The following ATG2B variants were observed in gnomAD, a reference collection of about 807,000 sequenced individuals.
ATG2B encodes autophagy related 2B, also known as autophagy-related protein 2 homolog B.
ATG2B carries 121 observed loss-of-function variants against 241.3 expected under a neutral mutation model. The ratio of observed to expected loss-of-function variants is 0.50; its 90% CI spans 0.43 to 0.58. The LOEUF is 0.58. Among genes scored for constraint, ATG2B ranks in the 20% least tolerant of loss-of-function variants. The pLI, the probability that ATG2B is intolerant of heterozygous loss-of-function variation, is 0.00. For missense variants in ATG2B, 2,306 were observed against 2,491.6 expected (o/e 0.93, Z 1.59); for synonymous variants, 858 against 876.6 (o/e 0.98, Z 0.37).
intron 14 of ATG2B, 124 bp from the exon 15 acceptor site, chr14:96,326,046 A>T: frequency 1.1e-6 from 1 of 903,754 alleles, no homozygotes; most frequent in Non-Finnish European, 1.6e-6. Flanking sequence ...ATTAAAAGTC[A>T]ATTCAAATTA....
rs535818922 is a variant in ATG2B, at chr14:96,346,994, A to G, written c.325+185T>C. ...CTGTATACTAAAGTTTCTGTGAAAAATCGGGGAAAGAAACAACTCTAAATT... is the reference window on the plus strand; with the variant it reads ...CTGTATACTAAAGTTTCTGTGAAAAGTCGGGGAAAGAAACAACTCTAAATT... On this transcript the variant is annotated intron_variant, in intron 2 of 41. Coordinates refer to ENST00000359933, the MANE Select transcript of ATG2B (RefSeq NM_018036.7). Among the ~76,000 whole-genome samples the G allele has an allele frequency of 5.9e-5, 9 of 152,370 alleles. No individual in the cohort carries two copies. In the South Asian group the frequency reaches 1.4e-3, roughly 25 times the overall value.
chr14:96,328,821 G>A, intron 12 of ATG2B, 55 bp from the exon 13 acceptor site: 2 of 1,347,294 alleles, frequency 1.5e-6, no homozygotes, highest in Non-Finnish European at 2.1e-6. Context: ...AATTTACAGA[G>A]GTGCCCATAC....
At position 96,362,914 on chromosome 14, in the gene ATG2B, G is replaced by A; in HGVS notation, c.63C>T (p.Tyr21=). The change falls in exon 1 of 42, where the codon TAC becomes TAT. Residue 21 remains tyrosine (Y), a synonymous_variant. Coordinates refer to ENST00000359933, the MANE Select transcript of ATG2B (RefSeq NM_018036.7). The stretch of plus-strand genomic sequence containing the variant: ...GCTTCTCCTGCAGAAAGTGGCCCAG[G>A]TACCTCTGCAGGAGGTACCGGCAGG... ...KRACRYLLQR[Y]LGHFLQEKLS... is the part of the protein sequence containing the mutation. The A allele has an allele frequency of 1.2e-6, 2 of 1,613,690 alleles. No individual in the cohort carries two copies. The highest frequency in any genetic ancestry group is 2.2e-5 in the East Asian group (1 of 44,864).
rs1459153377 is a variant in ATG2B at position 96,279,961 on chromosome 14, G to C, written c.*5794C>G. 1 of 152,388 alleles carries C rather than the reference G, an allele frequency of 6.6e-6. No individual in the cohort carries two copies. The highest frequency in any genetic ancestry group is 1.5e-5 in the Non-Finnish European group (1 of 68,208). The allele number at this position is 152,388 out of a possible 1,614,324, so 9.4% of individuals were successfully genotyped here. On this transcript the variant is annotated 3_prime_UTR_variant, in exon 42 of 42. Coordinates refer to ENST00000359933, the MANE Select transcript of ATG2B (RefSeq NM_018036.7). Reference sequence around the variant, plus strand: ...CCCAAATGTCAACTGCTGAGGTGGAGAAACCCGACTTTAGCCCCATTCTGA... The same window carrying C: ...CCCAAATGTCAACTGCTGAGGTGGACAAACCCGACTTTAGCCCCATTCTGA...
At chr14:96,302,158 T>G in intron 33 of ATG2B, 50 bp from the exon 34 acceptor site, 1 of 1,133,574 alleles carries the variant, frequency 8.8e-7, no homozygotes, top group Non-Finnish European at 1.3e-6. Context: ...TATGATGACC[T>G]TCTTCTCTTT....
chr14:96,332,782 T>C, intron 8 of ATG2B, 127 bp from the exon 9 acceptor site: 1 of 596,888 alleles, frequency 1.7e-6, no homozygotes, highest in Non-Finnish European at 2.5e-6. Flanking sequence ...GCCCCAAATT[T>C]TATGTTACTT....
intron 4 of ATG2B, among the ~76,000 whole-genome samples, chr14:96,343,831 AT>A (rs1888105849): frequency 6.6e-6 from 1 of 152,222 alleles, no homozygotes; most frequent in Non-Finnish European, 1.5e-5. Context: ...TAAATCTACT[AT>A]TTAAGGCAAT....
In ATG2B at chr14:96,323,882, AT is replaced by A; in HGVS notation, c.2540+13del. The A allele has an allele frequency of 6.6e-7, 1 of 1,525,328 alleles. No homozygotes were observed. Among genetic ancestry groups the A allele is most frequent in the Non-Finnish European group, 9.0e-7 (1 of 1,106,680 alleles). The allele number at this position is 1,525,328 out of a possible 1,614,324, so 94.5% of individuals were successfully genotyped here. ...AAGGAAAATCCTATTAAACCTATGC[AT>A]TTGCTTACTCACCGTGGCCAGTCAA... On this transcript the variant is annotated intron_variant, in intron 16 of 41. Coordinates refer to ENST00000359933, the MANE Select transcript of ATG2B (RefSeq NM_018036.7).
chr14:96,362,940 C>A lies in ATG2B; in HGVS notation c.37G>T (p.Ala13Ser). The change falls in exon 1 of 42, where the codon GCC (alanine) becomes TCC (serine). Residue 13 changes from alanine (A) to serine (S), a missense_variant. Ala to Ser is a moderately conservative substitution (Grantham distance 99). This residue lies in a region of ATG2B where 1,927 missense variants were observed against 2,011.2 expected (regional missense o/e 0.96). Coordinates refer to ENST00000359933, the MANE Select transcript of ATG2B (RefSeq NM_018036.7). ...TACCTCTGCAGGAGGTACCGGCAGG[C>A]CCTCTTCTTGATGGACTCCGAAAAC... is the stretch of plus-strand genomic sequence containing the variant. ...WPFSESIKKRACRYLLQRYLG... is the reference protein window; with the variant it reads ...WPFSESIKKRSCRYLLQRYLG... 6.2e-7 allele frequency: 1 copy of A among 1,613,446 alleles called. No homozygotes were observed. The highest frequency in any genetic ancestry group is 8.5e-7 in the Non-Finnish European group (1 of 1,179,934).
In ATG2B at chr14:96,331,445, C is replaced by T. The variant is rs900588550; in HGVS notation, c.1661G>A (p.Arg554Lys). The stretch of plus-strand genomic sequence containing the variant: ...AGACTTAAAATCTTCTGTTGAAAAT[C>T]TTGCTGGATCAATCTTTTCTATACA... ...FTCIEKIDPA[R>K]FSTEDFKSFR... The change falls in exon 11 of 42, where the codon AGA becomes AAA. Residue 554 changes from arginine (R) to lysine (K), a missense_variant. Coordinates refer to ENST00000359933, the MANE Select transcript of ATG2B (RefSeq NM_018036.7). 2 of 1,614,074 alleles carry T rather than the reference C, an allele frequency of 1.2e-6. No individual in the cohort carries two copies. Among genetic ancestry groups the T allele is most frequent in the Non-Finnish European group, 1.7e-6 (2 of 1,179,972 alleles).
At chr14:96,295,420 C>T in intron 35 of ATG2B, 62 bp downstream of exon 35, 1 of 1,171,762 alleles carries the variant, frequency 8.5e-7, no homozygotes, top group Middle Eastern at 2.5e-4. Flanking sequence ...AAAAAAGCCT[C>T]ATAACAATTA....
At chr14:96,299,060 A>G (rs1886720891) in intron 34 of ATG2B, among the ~76,000 whole-genome samples, 2 of 152,224 alleles carry the variant, frequency 1.3e-5, no homozygotes, top group South Asian at 4.1e-4. Context: ...TACTCAAGCA[A>G]TGAAGCAATA....
At chr14:96,319,361 T>A (rs1887399594) in intron 18 of ATG2B, among the ~76,000 whole-genome samples, 1 of 152,218 alleles carries the variant, frequency 6.6e-6, no homozygotes, top group Non-Finnish European at 1.5e-5. Context: ...ACCATGACTC[T>A]GTGTCTATGA....
rs149862692 is a variant in ATG2B, at chr14:96,289,977, C to T, written c.5857-172G>A. 3.0e-3 allele frequency: 1,395 copies of T among 469,416 alleles called. 4 individuals carry two copies. The highest frequency in any genetic ancestry group is 0.022 in the Middle Eastern group (21 of 956). The allele number at this position is 469,416 out of a possible 1,614,324, so 29.1% of individuals were successfully genotyped here. Reference sequence around the variant, plus strand: ...CCACAAGAATTGATGACTTTTATAACGAGAACATAAAAGTATAAATTAATA... The same window carrying T: ...CCACAAGAATTGATGACTTTTATAATGAGAACATAAAAGTATAAATTAATA... On this transcript the variant is annotated intron_variant, in intron 40 of 41. Coordinates refer to ENST00000359933, the MANE Select transcript of ATG2B (RefSeq NM_018036.7). The surrounding 1 kb of genome is among the most constrained non-coding windows in gnomAD (Gnocchi z 4.3).
chr14:96,339,833 A>G (rs1486972089), intron 6 of ATG2B, among the ~76,000 whole-genome samples: 1 of 151,884 alleles, frequency 6.6e-6, no homozygotes, highest in Non-Finnish European at 1.5e-5. Flanking sequence ...TAAAGAACTC[A>G]TCTACGTAAC....
chr14:96,287,616 C>G (rs1232679105), intron 41 of ATG2B, among the ~76,000 whole-genome samples: 1 of 152,174 alleles, frequency 6.6e-6, no homozygotes, highest in Non-Finnish European at 1.5e-5. Context: ...AATAATTCAT[C>G]TCAAGAGCTT....
chr14:96,343,544 CA>C (rs1234373712), intron 4 of ATG2B, among the ~76,000 whole-genome samples: 3 of 152,064 alleles, frequency 2.0e-5, no homozygotes, highest in Non-Finnish European at 4.4e-5. Flanking sequence ...TCAGTCTCAC[CA>C]TGCTTTACTA....
chr14:96,302,167 T>C, intron 33 of ATG2B, 59 bp from the exon 34 acceptor site: 1 of 1,073,840 alleles, frequency 9.3e-7, no homozygotes, highest in Non-Finnish European at 1.4e-6. Context: ...CTTCTTCTCT[T>C]TAAAAATAAG....
intron 25 of ATG2B, among the ~76,000 whole-genome samples, chr14:96,312,401 C>G (rs146817432): frequency 2.0e-5 from 3 of 152,066 alleles, no homozygotes; most frequent in Non-Finnish European, 4.4e-5. Flanking sequence ...AAATTTTTGG[C>G]AGTTTTTAAA....
Sources: allele counts gnomAD v4.1 joint callset (sites outside exome capture counted in the v4.1 genomes callset), GRCh38; gene constraint gnomAD v4.1.1; regional missense constraint gnomAD v4.1.1; non-coding constraint Gnocchi (gnomAD v3.1); transcripts MANE v1.5; gene names NCBI Gene and HGNC (gene_info 2026-07-23, HGNC 2026-07-21).